RIC3: variants seen among roughly 807,000 people sequenced by gnomAD.
RIC3 encodes the protein protein RIC-3.
A neutral mutation model predicts 27.3 loss-of-function variants in RIC3; 28 were observed. The observed-to-expected ratio is 1.02, with a 90% CI of 0.76 to 1.41. The LOEUF (loss-of-function observed/expected upper bound fraction) is 1.41, where lower values mean the gene tolerates loss of function less well. Ranked by LOEUF, RIC3 falls within the 40% of genes most tolerant of loss-of-function variation. The pLI is 0.00. For synonymous variants in RIC3, 184 were observed against 160.4 expected (o/e 1.15, Z -1.11); for missense variants, 501 against 444.7 (o/e 1.13, Z -1.14).
At chr11:8,122,015 G>A (rs905739167) in intron 5 of RIC3, among the ~76,000 whole-genome samples, 6 of 152,122 alleles carry the variant, frequency 3.9e-5, no homozygotes, top group Non-Finnish European at 7.4e-5. Flanking sequence ...GATCGCCTGA[G>A]TCCCAGCATG....
intron 1 of RIC3, among the ~76,000 whole-genome samples, chr11:8,141,377 G>C (rs1949043647): frequency 6.6e-6 from 1 of 152,164 alleles, no homozygotes. Context: ...AGGGGTTGCA[G>C]TCCTAGTTTC....
chr11:8,121,757 TATAA>T (rs1388526624), intron 5 of RIC3, among the ~76,000 whole-genome samples: 1 of 152,228 alleles, frequency 6.6e-6, no homozygotes, highest in Non-Finnish European at 1.5e-5. Context: ...TCATATTTGT[TATAA>T]ATATTTTTCC....
Position 8,138,265 on chromosome 11 carries a change from C to T in RIC3, c.427+7G>A. 1 of 1,597,392 alleles carries T rather than the reference C, an allele frequency of 6.3e-7. No homozygotes were observed. The highest frequency in any genetic ancestry group is 8.6e-7 in the Non-Finnish European group (1 of 1,164,880). ...TACCTGTGAATATACTGAGAAGGGG[C>T]ACTTACTAATTTTCCTGTGGGTGTT... On this transcript the variant is annotated splice_region_variant and intron_variant, in intron 3 of 5. Transcript: ENST00000309737.
chr11:8,095,527 G>A, the RIC3 span: 5 of 1,612,422 alleles, frequency 3.1e-6, no homozygotes, highest in Admixed American at 3.3e-5. Context: ...ACTGGCAGAA[G>A]ACAAGTCTGA....
rs972486808 is a variant in RIC3, at chr11:8,109,581, T to C, written c.*1117A>G. ...CTACCCCTGGGCACTGCTATATTGG[T>C]TCTCTGCAACAGACATACTCCAACT... On this transcript the variant is annotated 3_prime_UTR_variant, in exon 6 of 6. Transcript: ENST00000309737. 6.6e-6 allele frequency: 1 copy of C among 152,176 alleles called. No individual in the cohort carries two copies. Among genetic ancestry groups the C allele is most frequent in the Non-Finnish European group, 1.5e-5 (1 of 68,040 alleles). 9.4% of individuals were successfully genotyped at this position (152,176 alleles called of 1,614,324 possible).
intron 1 of RIC3, among the ~76,000 whole-genome samples, chr11:8,167,720 A>G (rs1484100585): frequency 6.6e-6 from 1 of 152,184 alleles, no homozygotes; most frequent in Admixed American, 6.5e-5. Context: ...AAAGTAGACA[A>G]TATCATTAGA....
chr11:8,126,318 G>A (rs1026692591), intron 5 of RIC3, among the ~76,000 whole-genome samples: 8 of 152,036 alleles, frequency 5.3e-5, no homozygotes, highest in Non-Finnish European at 7.4e-5. Context: ...AAAGTATTAC[G>A]CTAAATCAAA....
intron 4 of RIC3, chr11:8,135,658 T>A (rs374604386): frequency 6.6e-6 from 1 of 152,220 alleles, no homozygotes; most frequent in East Asian, 1.9e-4. Flanking sequence ...TTTTATTTCA[T>A]TGAGCAGTGG....
intron 1 of RIC3, among the ~76,000 whole-genome samples, chr11:8,158,888 A>G (rs12273017): frequency 1.3e-5 from 2 of 148,352 alleles, no homozygotes; most frequent in African/African-American, 5.0e-5. Flanking sequence ...ATCTGCCACC[A>G]TGCCCAGAGA....
chr11:8,132,685 G>C (rs1947877488), intron 4 of RIC3, among the ~76,000 whole-genome samples: 1 of 152,182 alleles, frequency 6.6e-6, no homozygotes, highest in Admixed American at 6.5e-5. Context: ...TAAAGTTTCA[G>C]AAACTGCAGA....
rs1944907532 is a variant in RIC3, at chr11:8,108,502, TAC to T, written c.*2194_*2195del. 1 of 152,226 alleles carries T rather than the reference TAC, an allele frequency of 6.6e-6. No individual in the cohort carries two copies. The highest frequency in any genetic ancestry group is 2.1e-4 in the South Asian group (1 of 4,832). 9.4% of individuals were successfully genotyped at this position (152,226 alleles called of 1,614,324 possible). ...GTATGAGCTAGAACCAATGCTGTTT[TAC>T]ACACACTGATGATTTCATTTAACCA... On this transcript the variant is annotated 3_prime_UTR_variant, in exon 6 of 6. Transcript: ENST00000309737.
At chr11:8,103,570 C>G (rs1944396179), downstream of RIC3, 1 of 152,664 alleles carries the variant, frequency 6.6e-6, no homozygotes, top group East Asian at 1.9e-4. Context: ...CCGTACATCT[C>G]TGTGAGAGAC....
chr11:8,113,845 C>T lies in RIC3; in HGVS notation c.671-2708G>A, dbSNP rs186437344. On this transcript the variant is annotated intron_variant, in intron 5 of 5. Transcript: ENST00000309737. ...CAGCCTCCAGGCCCATTTCAGTGGA[C>T]CCGGGCACCAGGTTCATCCTAGCAC... Among the ~76,000 whole-genome samples the T allele has an allele frequency of 1.6e-4, 25 of 152,314 alleles. No homozygotes were observed. The East Asian group carries it at 3.5e-3, about 21-fold the overall frequency.
the RIC3 span, chr11:8,098,811 A>G: frequency 6.2e-7 from 1 of 1,614,216 alleles, no homozygotes; most frequent in Non-Finnish European, 8.5e-7. Context: ...GTCAACCCTC[A>G]GAAGGCCTCA....
At chr11:8,098,358 G>A in the RIC3 span, among the ~76,000 whole-genome samples, 2 of 152,140 alleles carry the variant, frequency 1.3e-5, no homozygotes, top group African/African-American at 4.8e-5. Flanking sequence ...AGATGGGGCT[G>A]GACTGAGACT....
At chr11:8,164,781 CAAAAAAAAAAAAAAA>C (rs199958835) in intron 1 of RIC3, among the ~76,000 whole-genome samples, 4 of 84,232 alleles carry the variant, frequency 4.7e-5, no homozygotes, top group African/African-American at 7.6e-5. Context: ...CTGTCTCTCT[CAAAAAAAAAAAAAAA>C]AAAAAAAAAA....
the RIC3 span, among the ~76,000 whole-genome samples, chr11:8,096,395 G>A: frequency 2.0e-5 from 3 of 152,204 alleles, no homozygotes; most frequent in African/African-American, 7.2e-5. Flanking sequence ...GCTAGGTAGT[G>A]GGGTAATGTA....
chr11:8,101,678 G>A, downstream of RIC3: 1 of 1,593,202 alleles, frequency 6.3e-7, no homozygotes, highest in Non-Finnish European at 8.5e-7. Flanking sequence ...CTGCCTGCCT[G>A]TGGAGACAGC....
rs1416866926 is a variant in RIC3 at position 8,109,432 on chromosome 11, CA to C, written c.*1265del. The C allele has an allele frequency of 2.0e-5, 3 of 152,034 alleles. No individual in the cohort carries two copies. Among genetic ancestry groups the C allele is most frequent in the Admixed American group, 1.3e-4 (2 of 15,264 alleles). The allele number at this position is 152,034 out of a possible 1,614,324, so 9.4% of individuals were successfully genotyped here. On this transcript the variant is annotated 3_prime_UTR_variant, in exon 6 of 6. Coordinates refer to ENST00000309737, the MANE Select transcript of RIC3 (RefSeq NM_001206671.4). ...TATCTTGTCTCAAGAAGACACACGTCAGATGCAGTAAGGAGAAAAGGCCTTT... is the reference window on the plus strand; with the variant it reads ...TATCTTGTCTCAAGAAGACACACGTCGATGCAGTAAGGAGAAAAGGCCTTT...
Sources: allele counts gnomAD v4.1 joint callset (sites outside exome capture counted in the v4.1 genomes callset), GRCh38; gene constraint gnomAD v4.1.1; transcripts MANE v1.5; gene names NCBI Gene and HGNC (gene_info 2026-07-23, HGNC 2026-07-21).